The following CNTNAP3B variants were observed in gnomAD, a reference collection of about 807,000 sequenced individuals.
The protein encoded by CNTNAP3B is contactin-associated protein-like 3B.
CNTNAP3B carries 25 observed loss-of-function variants against 108.9 expected under a neutral mutation model. The ratio of observed to expected loss-of-function variants is 0.23; its 90% CI spans 0.17 to 0.32. CNTNAP3B has a LOEUF of 0.32. Among genes scored for constraint, CNTNAP3B ranks in the 10% least tolerant of loss-of-function variants. CNTNAP3B has a pLI of 1.00. For synonymous variants in CNTNAP3B, 103 were observed against 473.4 expected, an observed-to-expected ratio of 0.22 and a Z score of 10.16; for missense variants, 252 against 1,210.4, an observed-to-expected ratio of 0.21 and a Z score of 11.75.
intron 18 of CNTNAP3B, among the ~76,000 whole-genome samples, chr9:41,917,066 T>G (rs1823536014): frequency 6.6e-6 from 1 of 152,298 alleles, no homozygotes; most frequent in Non-Finnish European, 1.5e-5. Context: ...TATCTTAGAT[T>G]AATGATTTTT....
At chr9:42,116,866 G>T (rs1828330952) in intron 1 of CNTNAP3B, among the ~76,000 whole-genome samples, 1 of 137,776 alleles carries the variant, frequency 7.3e-6, no homozygotes, top group Non-Finnish European at 1.5e-5. Context: ...AAAAGCAGGG[G>T]TTGGAATCCT....
intron 1 of CNTNAP3B, among the ~76,000 whole-genome samples, chr9:42,115,018 C>T (rs1252833003): frequency 1.5e-5 from 2 of 136,406 alleles, no homozygotes; most frequent in Non-Finnish European, 3.1e-5. Flanking sequence ...TGTGCCACTG[C>T]TCTCCAGCCT....
chr9:41,926,425 G>A (rs1053825130), intron 15 of CNTNAP3B, among the ~76,000 whole-genome samples: 3 of 152,304 alleles, frequency 2.0e-5, no homozygotes, highest in Admixed American at 2.0e-4. Context: ...TTTTACAGAA[G>A]AGAATATTTT....
intron 14 of CNTNAP3B, among the ~76,000 whole-genome samples, chr9:41,930,770 C>G (rs1433437115): frequency 6.6e-6 from 1 of 152,268 alleles, no homozygotes; most frequent in Non-Finnish European, 1.5e-5. Flanking sequence ...CCTAGGGGAA[C>G]CTGGGGTCCT....
chr9:42,016,996 C>T (rs1234152691), intron 3 of CNTNAP3B, among the ~76,000 whole-genome samples: 2 of 151,874 alleles, frequency 1.3e-5, no homozygotes, highest in Admixed American at 6.6e-5. Context: ...GATTCTCTGT[C>T]TTTGAGGGCA....
At chr9:42,035,660 A>AT (rs1160147267) in intron 3 of CNTNAP3B, among the ~76,000 whole-genome samples, 1 of 150,570 alleles carries the variant, frequency 6.6e-6, no homozygotes, top group Non-Finnish European at 1.5e-5. Context: ...TTACTTACAT[A>AT]TTTTTTATTG....
intron 3 of CNTNAP3B, among the ~76,000 whole-genome samples, chr9:42,064,184 C>G (rs1587241371): frequency 2.0e-5 from 3 of 147,120 alleles, no homozygotes; most frequent in African/African-American, 7.7e-5. Context: ...CTTTAATTTT[C>G]TCATTTTATT....
intron 13 of CNTNAP3B, among the ~76,000 whole-genome samples, chr9:41,952,071 A>G (rs1824704700): frequency 6.6e-6 from 1 of 152,378 alleles, no homozygotes; most frequent in Non-Finnish European, 1.5e-5. Context: ...AGAGAGGTCA[A>G]TCCAGGCAGA....
chr9:42,053,889 G>T (rs1252367515), intron 3 of CNTNAP3B, among the ~76,000 whole-genome samples: 1 of 147,208 alleles, frequency 6.8e-6, no homozygotes, highest in African/African-American at 2.6e-5. Context: ...TCTTCACAAG[G>T]TTTACCCAGC....
chr9:41,978,901 G>A (rs1334317212), intron 9 of CNTNAP3B, among the ~76,000 whole-genome samples: 5 of 147,612 alleles, frequency 3.4e-5, no homozygotes, highest in South Asian at 2.1e-4. Context: ...ATATCAAATC[G>A]TCACATAGTA....
At chr9:41,978,018 T>C (rs1170493801) in intron 9 of CNTNAP3B, among the ~76,000 whole-genome samples, 1 of 124,948 alleles carries the variant, frequency 8.0e-6, no homozygotes, top group Non-Finnish European at 1.6e-5. Context: ...ACTATACTAA[T>C]ACTCTCAAGA....
intron 18 of CNTNAP3B, among the ~76,000 whole-genome samples, chr9:41,918,732 T>C (rs1823584411): frequency 6.9e-6 from 1 of 145,180 alleles, no homozygotes; most frequent in African/African-American, 2.6e-5. Context: ...CAAATGTGGA[T>C]TGGGAATGAT....
intron 3 of CNTNAP3B, among the ~76,000 whole-genome samples, chr9:42,020,600 G>A (rs1361256450): frequency 1.3e-5 from 2 of 148,888 alleles, no homozygotes; most frequent in Non-Finnish European, 3.0e-5. Flanking sequence ...AGGCATTGTT[G>A]CAAAATCAGG....
intron 14 of CNTNAP3B, among the ~76,000 whole-genome samples, chr9:41,930,562 C>CA (rs202002803): frequency 0.051 from 7,698 of 150,662 alleles, no homozygotes; most frequent in East Asian, 0.091. Context: ...AAAAAACAAA[C>CA]AAAAAACCCC....
At chr9:41,956,488 A>C (rs1824863669) in intron 12 of CNTNAP3B, among the ~76,000 whole-genome samples, 1 of 152,262 alleles carries the variant, frequency 6.6e-6, no homozygotes, top group Non-Finnish European at 1.5e-5. Flanking sequence ...GAACTACTGT[A>C]AACGGGGATT....
chr9:42,112,612 T>G (rs1828216156), intron 1 of CNTNAP3B, among the ~76,000 whole-genome samples: 1 of 137,026 alleles, frequency 7.3e-6, no homozygotes, highest in African/African-American at 2.9e-5. Flanking sequence ...TTCTATAAAT[T>G]AGAATTTACA....
chr9:42,083,019 T>C (rs557621026), intron 2 of CNTNAP3B, among the ~76,000 whole-genome samples: 1 of 139,718 alleles, frequency 7.2e-6, no homozygotes, highest in Non-Finnish European at 1.5e-5. Flanking sequence ...ATGCTAATAA[T>C]AGTTTTTAAA....
intron 1 of CNTNAP3B, among the ~76,000 whole-genome samples, chr9:42,114,728 T>C (rs1229018139): frequency 8.0e-6 from 1 of 125,066 alleles, no homozygotes; most frequent in Admixed American, 8.1e-5. Context: ...GCTACCCAAA[T>C]GAAACCCAGA....
chr9:42,126,731 G>A lies in CNTNAP3B; in HGVS notation c.85+2279C>T, dbSNP rs1351406116. Reference sequence around the variant, plus strand: ...ATTACAGATGCCTGCCACCACGCCCGGCTAATTTTTGTATTTTTAGTAGAG... The same window carrying A: ...ATTACAGATGCCTGCCACCACGCCCAGCTAATTTTTGTATTTTTAGTAGAG... On this transcript the variant is annotated intron_variant, in intron 1 of 23. Transcript: ENST00000377561. Among the ~76,000 whole-genome samples the A allele has an allele frequency of 5.9e-5, 8 of 135,760 alleles. 1 individual carries two copies. Among genetic ancestry groups the A allele is most frequent in the South Asian group, 2.4e-4 (1 of 4,208 alleles). 89.1% of individuals were successfully genotyped at this position (135,760 alleles called of 152,430 possible). A position where few individuals can be genotyped will look rare whatever the true frequency, so the allele number is the denominator to read the frequency against.
Sources: gnomAD v4.1 joint callset for allele counts (sites outside exome capture counted in the v4.1 genomes callset) on GRCh38, gnomAD v4.1.1 for gene constraint, MANE v1.5 for transcripts, NCBI Gene and HGNC (gene_info 2026-07-23, HGNC 2026-07-21) for gene names.